The following MARK3 variants were observed in gnomAD, a reference collection of about 807,000 sequenced individuals.
MARK3 encodes the protein MAP/microtubule affinity-regulating kinase 3.
MARK3 carries 46 observed loss-of-function variants against 90.1 expected under a neutral mutation model. That is an observed-to-expected ratio of 0.51 (90% CI 0.40 to 0.65). The LOEUF is 0.65. Ranked by LOEUF, MARK3 falls within the 30% of genes least tolerant of loss-of-function variation. The pLI, the probability that MARK3 is intolerant of heterozygous loss-of-function variation, is 0.00. For missense variants in MARK3, 818 were observed against 947.2 expected (o/e 0.86, Z 1.79); for synonymous variants, 321 against 332.6 (o/e 0.97, Z 0.38).
chr14:103,487,296 C>A (rs2093947475), intron 14 of MARK3, among the ~76,000 whole-genome samples: 1 of 151,286 alleles, frequency 6.6e-6, no homozygotes, highest in African/African-American at 2.4e-5. Flanking sequence ...TCCAGACCAG[C>A]CTGGGCCATG....
At chr14:103,500,831 G>A (rs1370816242) in intron 17 of MARK3, among the ~76,000 whole-genome samples, 3 of 151,888 alleles carry the variant, frequency 2.0e-5, no homozygotes, top group Admixed American at 6.6e-5. Context: ...CATGTTGGCC[G>A]GGCTGGTCTC....
chr14:103,496,573 C>T (rs1040467946), intron 15 of MARK3, among the ~76,000 whole-genome samples: 4 of 152,010 alleles, frequency 2.6e-5, no homozygotes, highest in African/African-American at 9.7e-5. Flanking sequence ...TCACCACGCC[C>T]AGCTAATTTT....
At chr14:103,429,846 A>T (rs965082810) in intron 3 of MARK3, among the ~76,000 whole-genome samples, 1 of 152,196 alleles carries the variant, frequency 6.6e-6, no homozygotes, top group African/African-American at 2.4e-5. Flanking sequence ...ATGATGTTAC[A>T]TACCTTCCAC....
chr14:103,481,120 GAAATA>G (rs924744677), intron 14 of MARK3, among the ~76,000 whole-genome samples: 6 of 152,178 alleles, frequency 3.9e-5, no homozygotes, highest in Non-Finnish European at 7.3e-5. Context: ...TTGGGGTTTT[GAAATA>G]AAATAAGTAG....
chr14:103,426,730 A>G (rs1319332526), intron 2 of MARK3, among the ~76,000 whole-genome samples: 1 of 152,078 alleles, frequency 6.6e-6, no homozygotes, highest in Non-Finnish European at 1.5e-5. Context: ...CTATATCCTA[A>G]TGGGTTTTAA....
At chr14:103,399,532 C>T (rs1438915388) in intron 1 of MARK3, among the ~76,000 whole-genome samples, 1 of 151,734 alleles carries the variant, frequency 6.6e-6, no homozygotes, top group African/African-American at 2.4e-5. Flanking sequence ...CTCGTCTCTA[C>T]TAAAAATACG....
intron 12 of MARK3, 70 bp downstream of exon 12, chr14:103,468,256 T>C: frequency 7.5e-7 from 1 of 1,337,328 alleles, no homozygotes; most frequent in Non-Finnish European, 1.0e-6. Context: ...CTGGGAAGCA[T>C]TCTCTTGCTC....
intron 2 of MARK3, among the ~76,000 whole-genome samples, chr14:103,420,845 C>A (rs2092185643): frequency 6.6e-6 from 1 of 152,030 alleles, no homozygotes; most frequent in East Asian, 1.9e-4. Context: ...ACTTTGCTTT[C>A]TTTTTTTCAG....
chr14:103,429,002 T>A (rs528051199), intron 3 of MARK3, among the ~76,000 whole-genome samples: 24 of 152,306 alleles, frequency 1.6e-4, no homozygotes, highest in African/African-American at 4.8e-4. Context: ...CCTAGTGCCT[T>A]TTAGAATCAC....
chr14:103,427,511 A>AAAAAG (rs996567914), intron 2 of MARK3, among the ~76,000 whole-genome samples: 25 of 151,050 alleles, frequency 1.7e-4, no homozygotes, highest in South Asian at 8.3e-4. Context: ...AAAAAAAAAA[A>AAAAAG]AAGAAACAAA....
In MARK3 at chr14:103,502,883, C is replaced by A. The variant is rs769989777; in HGVS notation, c.1918C>A (p.Arg640Ser). 6.2e-7 allele frequency: 1 copy of A among 1,603,788 alleles called. No homozygotes were observed. Among genetic ancestry groups the A allele is most frequent in the South Asian group, 1.1e-5 (1 of 90,558 alleles). ...TAAACCTGCCTCTATGCATTTCAGT[C>A]GCAATGTATCTGCTGAGCAAAAAGA... ...ERNGRYEGSS[R>S]NVSAEQKDEN... The change falls in exon 18 of 18, where the codon CGC (arginine) becomes AGC (serine). Residue 640 changes from arginine (R) to serine (S), a missense_variant and splice_region_variant. Around this residue, in one of 3 missense-constraint regions of MARK3, gnomAD observed 560 missense variants for 613.5 expected, o/e 0.91. Coordinates refer to ENST00000429436, the MANE Select transcript of MARK3 (RefSeq NM_001128918.3).
chr14:103,501,519 T>C (rs568433790), intron 17 of MARK3, among the ~76,000 whole-genome samples: 1 of 152,322 alleles, frequency 6.6e-6, no homozygotes, highest in Non-Finnish European at 1.5e-5. Flanking sequence ...ACCTCCCCTT[T>C]GGCTGTGATC....
intron 11 of MARK3, 30 bp from the exon 12 acceptor site, chr14:103,468,003 G>A (rs750728050): frequency 1.9e-6 from 3 of 1,608,548 alleles, no homozygotes; most frequent in Middle Eastern, 1.7e-4. Flanking sequence ...TCGTGTTGTG[G>A]TTTGCTCTGT....
intron 3 of MARK3, among the ~76,000 whole-genome samples, chr14:103,428,850 C>T (rs2092493682): frequency 6.6e-6 from 1 of 151,986 alleles, no homozygotes; most frequent in Non-Finnish European, 1.5e-5. Flanking sequence ...CTTTGGCTTC[C>T]TTAAACTCTT....
intron 2 of MARK3, among the ~76,000 whole-genome samples, chr14:103,423,174 C>G (rs139550666): frequency 2.0e-4 from 26 of 131,682 alleles, no homozygotes; most frequent in Non-Finnish European, 3.1e-4. Context: ...CTTCAGGCCA[C>G]TCTATCCCCC....
At position 103,439,379 on chromosome 14, in the gene MARK3, G is replaced by GT. The variant is rs1419094874; in HGVS notation, c.298-9532dup. On this transcript the variant is annotated intron_variant, in intron 3 of 17. Coordinates refer to ENST00000429436, the MANE Select transcript of MARK3 (RefSeq NM_001128918.3). Reference sequence around the variant, plus strand: ...GATCACTCATCAATGTAGTGTAAAGGTTTTTTTTGGTCTGTTTTTTGTTTC... The same window carrying GT: ...GATCACTCATCAATGTAGTGTAAAGGTTTTTTTTTGGTCTGTTTTTTGTTTC... Among the ~76,000 whole-genome samples, 62 of 151,598 alleles carry GT rather than the reference G, an allele frequency of 4.1e-4. 2 individuals carry two copies. In the South Asian group the frequency reaches 9.6e-3, roughly 24 times the overall value.
Position 103,468,160 on chromosome 14 carries a change from A to G in MARK3, c.1238A>G (p.Gln413Arg), listed in dbSNP as rs937596405. The G allele has an allele frequency of 1.2e-6, 2 of 1,613,932 alleles. No individual in the cohort carries two copies. Among genetic ancestry groups the G allele is most frequent in the Non-Finnish European group, 1.7e-6 (2 of 1,179,912 alleles). ...GTGCAGAGAAGTGTTTCTTCAAGCC[A>G]AAAGCAAAGACGCTACAGTGACCAT... ...HKVQRSVSSS[Q>R]KQRRYSDHAG... is the part of the protein sequence containing the mutation. The change falls in exon 12 of 18, where the codon CAA becomes CGA. Residue 413 changes from glutamine (Q) to arginine (R), a missense_variant. Around this residue, in one of 3 missense-constraint regions of MARK3, gnomAD observed 560 missense variants for 613.5 expected, o/e 0.91. Coordinates refer to ENST00000429436, the MANE Select transcript of MARK3 (RefSeq NM_001128918.3).
At chr14:103,423,171 C>T (rs1314368377) in intron 2 of MARK3, among the ~76,000 whole-genome samples, 1 of 142,718 alleles carries the variant, frequency 7.0e-6, no homozygotes, top group African/African-American at 2.6e-5. Flanking sequence ...ATTCTTCAGG[C>T]CACTCTATCC....
At chr14:103,404,024 T>C (rs2091126064) in intron 1 of MARK3, among the ~76,000 whole-genome samples, 1 of 152,094 alleles carries the variant, frequency 6.6e-6, no homozygotes, top group Admixed American at 6.5e-5. Flanking sequence ...ATTAGAGAAA[T>C]AATGAAGAAG....
Sources: allele counts gnomAD v4.1 joint callset (sites outside exome capture counted in the v4.1 genomes callset), GRCh38; gene constraint gnomAD v4.1.1; regional missense constraint gnomAD v4.1.1; transcripts MANE v1.5; gene names NCBI Gene and HGNC (gene_info 2026-07-23, HGNC 2026-07-21).